Variants in DMD observed in about 807,000 individuals in gnomAD.
The protein encoded by DMD is mutant dystrophin.
DMD carries 63 observed loss-of-function variants against 330.1 expected under a neutral mutation model. The observed-to-expected ratio is 0.19, with a 90% CI of 0.16 to 0.24. The LOEUF is 0.24. Ranked by LOEUF, DMD falls within the 10% of genes least tolerant of loss-of-function variation. DMD has a pLI of 1.00. For synonymous variants in DMD, 1,223 were observed against 959.8 expected, an observed-to-expected ratio of 1.27 and a Z score of -5.07; for missense variants, 3,344 against 2,684.1, an observed-to-expected ratio of 1.25 and a Z score of -5.43.
intron 1 of DMD, among the ~76,000 whole-genome samples, chrX:33,055,446 C>T (rs1006242941): frequency 8.9e-6 from 1 of 111,846 alleles, no homozygotes; most frequent in Non-Finnish European, 1.9e-5. Flanking sequence ...AAACTAATAG[C>T]AGAATGTCCT....
intron 41 of DMD, among the ~76,000 whole-genome samples, chrX:32,328,251 A>T (rs184261785): frequency 8.9e-6 from 1 of 111,960 alleles, no homozygotes; most frequent in East Asian, 2.8e-4. Context: ...TCAGGAAATG[A>T]TACTATTATG....
In DMD at chrX:32,472,303, T is replaced by C. The variant is rs768386277; in HGVS notation, c.2810A>G (p.Asp937Gly). Reference protein sequence around the residue: ...AREKELQTIFDTLPPMRYQET... With the variant: ...AREKELQTIFGTLPPMRYQET... ...CTGATAGCGCATTGGTGGCAAAGTG[T>C]CAAAAACTTTATCAAAAGGGAAAAA... The change falls in exon 22 of 79, where the codon GAC becomes GGC. Residue 937 changes from aspartate to glycine, a missense_variant. Physicochemically the swap from Asp to Gly is moderately conservative, Grantham distance 94 (BLOSUM62 -1). Coordinates refer to ENST00000357033, the MANE Select transcript of DMD (RefSeq NM_004006.3). 8.3e-7 allele frequency: 1 copy of C among 1,210,427 alleles called. No homozygotes were observed. The highest frequency in any genetic ancestry group is 1.8e-5 in the South Asian group (1 of 56,908).
At chrX:33,189,296 G>A (rs1031014910) in intron 1 of DMD, among the ~76,000 whole-genome samples, 4 of 111,377 alleles carry the variant, frequency 3.6e-5, no homozygotes, top group African/African-American at 1.3e-4. Context: ...TCATCTCTAG[G>A]TATGGGGGAG....
chrX:32,660,104 T>G lies in DMD; in HGVS notation c.961-14952A>C, dbSNP rs758044152. 9.9e-5 allele frequency among the ~76,000 whole-genome samples: 11 copies of G among 111,438 alleles called. 1 individual carries two copies. The Middle Eastern group carries it at 0.019, about 189-fold the overall frequency. ...TGTATCTCTGTGTCCCATAGACAAC[T>G]AAAGCTTTTGATCTTAGGGTTCATA... On this transcript the variant is annotated intron_variant, in intron 9 of 78. Transcript: ENST00000357033.
chrX:31,825,109 T>A (rs781279825), intron 49 of DMD, among the ~76,000 whole-genome samples: 68 of 111,602 alleles, frequency 6.1e-4, no homozygotes, highest in Non-Finnish European at 1.0e-3. Context: ...AATTAAATAT[T>A]CTAAGAGACT....
intron 34 of DMD, among the ~76,000 whole-genome samples, chrX:32,374,834 C>A (rs1157718393): frequency 8.9e-6 from 1 of 111,858 alleles, no homozygotes; most frequent in Non-Finnish European, 1.9e-5. Context: ...ACAATACACC[C>A]ATGTAACAAA....
intron 4 of DMD, among the ~76,000 whole-genome samples, chrX:32,841,429 C>T (rs1042763283): frequency 9.0e-6 from 1 of 111,385 alleles, no homozygotes; most frequent in African/African-American, 3.3e-5. Flanking sequence ...GTGGGAGAAC[C>T]TAGTTCACCA....
At chrX:32,472,066 G>C in intron 22 of DMD, 98 bp downstream of exon 22, 16 of 1,063,527 alleles carry the variant, frequency 1.5e-5, no homozygotes, top group Non-Finnish European at 2.1e-5. Context: ...TACCATACTT[G>C]TCAGAATGAC....
intron 13 of DMD, among the ~76,000 whole-genome samples, chrX:32,592,180 C>A (rs2054999678): frequency 9.0e-6 from 1 of 111,241 alleles, no homozygotes; most frequent in Admixed American, 9.4e-5. Flanking sequence ...ACAGAGAAAC[C>A]CCTCCTTCAA....
At chrX:31,515,138 G>A (rs1201914329) in intron 55 of DMD, among the ~76,000 whole-genome samples, 2 of 111,500 alleles carry the variant, frequency 1.8e-5, no homozygotes, top group Non-Finnish European at 3.8e-5. Context: ...AGTTATGGAT[G>A]TTTTACTAGA....
chrX:32,996,168 C>T (rs1337029472), intron 2 of DMD, among the ~76,000 whole-genome samples: 4 of 111,475 alleles, frequency 3.6e-5, no homozygotes, highest in Admixed American at 9.6e-5. Flanking sequence ...GACAAAGTAT[C>T]ATTTTGACGA....
intron 4 of DMD, among the ~76,000 whole-genome samples, chrX:32,843,550 T>C (rs62591107): frequency 1.8e-5 from 2 of 111,821 alleles, no homozygotes; most frequent in Admixed American, 9.5e-5. Flanking sequence ...CCATATCTTA[T>C]GTAATGTCAT....
intron 55 of DMD, among the ~76,000 whole-genome samples, chrX:31,550,901 C>A (rs1160044287): frequency 8.9e-6 from 1 of 111,976 alleles, no homozygotes. Flanking sequence ...CTTTATTGGG[C>A]TGGGCGTGGT....
rs2093552581 is a variant in DMD, at chrX:33,009,424, ATATG to A, written c.93+10711_93+10714del. Reference sequence around the variant, plus strand: ...TATATGTGTATATACACATGTGTGTATATGTATGTGTATACACATATGTATGTAT... The same window carrying A: ...TATATGTGTATATACACATGTGTGTATATGTGTATACACATATGTATGTAT... On this transcript the variant is annotated intron_variant, in intron 2 of 78. Coordinates refer to ENST00000357033, the MANE Select transcript of DMD (RefSeq NM_004006.3). Among the ~76,000 whole-genome samples, 2 of 35,308 alleles carry A rather than the reference ATATG, an allele frequency of 5.7e-5. 1 individual carries two copies. Among genetic ancestry groups the A allele is most frequent in the African/African-American group, 2.0e-4 (2 of 9,942 alleles). The allele number at this position is 35,308 out of a possible 115,157, so 30.7% of individuals were successfully genotyped here. A position where few individuals can be genotyped will look rare whatever the true frequency, so the allele number is the denominator to read the frequency against.
chrX:31,242,912 TGTAA>T (rs771961575), intron 63 of DMD, among the ~76,000 whole-genome samples: 81 of 111,490 alleles, frequency 7.3e-4, no homozygotes, highest in African/African-American at 2.0e-3. Flanking sequence ...CTTAGAATAA[TGTAA>T]GTGTTCCACC....
intron 9 of DMD, among the ~76,000 whole-genome samples, chrX:32,651,881 A>C (rs778258784): frequency 3.6e-5 from 4 of 112,297 alleles, no homozygotes; most frequent in Non-Finnish European, 7.5e-5. Flanking sequence ...TTCTTTCTAA[A>C]AGAAGGCATG....
chrX:31,879,046 C>T (rs1285521450), intron 47 of DMD, among the ~76,000 whole-genome samples: 1 of 111,686 alleles, frequency 9.0e-6, no homozygotes, highest in Admixed American at 9.5e-5. Context: ...GAGGGTAGAG[C>T]AGATGATGGG....
At chrX:32,005,683 C>A (rs1293918) in intron 44 of DMD, among the ~76,000 whole-genome samples, 1 of 109,408 alleles carries the variant, frequency 9.1e-6, no homozygotes, top group South Asian at 4.0e-4. Flanking sequence ...AAGAATATTA[C>A]CACCTTTTCC....
chrX:31,987,110 AT>A (rs2095515207), intron 44 of DMD, among the ~76,000 whole-genome samples: 1 of 112,312 alleles, frequency 8.9e-6, no homozygotes, highest in Admixed American at 9.4e-5. Context: ...TTTAATTAAT[AT>A]TTGCTATTGA....
Sources: allele counts gnomAD v4.1 joint callset (sites outside exome capture counted in the v4.1 genomes callset), GRCh38; gene constraint gnomAD v4.1.1; transcripts MANE v1.5; gene names NCBI Gene and HGNC (gene_info 2026-07-23, HGNC 2026-07-21).